Variants in LMNTD1 observed in about 807,000 individuals in gnomAD.
LMNTD1 encodes the protein lamin tail domain containing 1.
A neutral mutation model predicts 50.9 loss-of-function variants in LMNTD1; 35 were observed. The ratio of observed to expected loss-of-function variants is 0.69; its 90% CI spans 0.53 to 0.91. LMNTD1 has a LOEUF of 0.91. LMNTD1 is among the 40% of genes least tolerant of loss of function. The pLI, the probability that LMNTD1 is intolerant of heterozygous loss-of-function variation, is 0.00. For synonymous variants in LMNTD1, 153 were observed against 161.9 expected (o/e 0.94, Z 0.42); for missense variants, 470 against 475.5 (o/e 0.99, Z 0.11).
chr12:25,598,062 G>C (rs1945879900), intron 1 of LMNTD1, among the ~76,000 whole-genome samples: 1 of 152,100 alleles, frequency 6.6e-6, no homozygotes, highest in East Asian at 1.9e-4. Context: ...ATGCTCTCTT[G>C]CCTGCCACCA....
intron 1 of LMNTD1, among the ~76,000 whole-genome samples, chr12:25,620,183 G>A (rs1490613949): frequency 6.6e-6 from 1 of 152,144 alleles, no homozygotes; most frequent in Non-Finnish European, 1.5e-5. Context: ...TTTCCCACAA[G>A]TGATTGCGTT....
At chr12:25,484,363 T>C (rs1173023209) in intron 9 of LMNTD1, among the ~76,000 whole-genome samples, 1 of 151,936 alleles carries the variant, frequency 6.6e-6, no homozygotes, top group Non-Finnish European at 1.5e-5. Context: ...CCTTCCAAAG[T>C]GCTGGGATAA....
intron 1 of LMNTD1, among the ~76,000 whole-genome samples, chr12:25,627,818 G>A (rs562449710): frequency 4.4e-4 from 67 of 152,242 alleles, no homozygotes; most frequent in Non-Finnish European, 6.6e-4. Flanking sequence ...TCTTTAAAAG[G>A]CAAAGGATGG....
chr12:25,530,414 A>G (rs1942139847), intron 4 of LMNTD1, among the ~76,000 whole-genome samples: 1 of 152,084 alleles, frequency 6.6e-6, no homozygotes, highest in South Asian at 2.1e-4. Flanking sequence ...TTTTCTTTTA[A>G]ACGTTTCAAT....
intron 1 of LMNTD1, among the ~76,000 whole-genome samples, chr12:25,619,252 C>CTCTATATATATATATATATATA (rs1374134268): frequency 7.1e-5 from 6 of 84,446 alleles, no homozygotes; most frequent in Admixed American, 3.4e-4. Context: ...CTCTCTCTCT[C>CTCTATATATATATATATATATA]TATATATATA....
chr12:25,592,753 C>T (rs11609126), intron 1 of LMNTD1: 43,816 of 152,100 alleles, frequency 0.29, 8,052 homozygotes, highest in East Asian at 0.86. Flanking sequence ...AGTGTGCAGA[C>T]TCCACAGGCC....
chr12:25,605,661 G>A (rs1199522083), intron 1 of LMNTD1, among the ~76,000 whole-genome samples: 1 of 152,136 alleles, frequency 6.6e-6, no homozygotes, highest in Non-Finnish European at 1.5e-5. Context: ...GTAGATATGT[G>A]GCATTATTTC....
intron 9 of LMNTD1, among the ~76,000 whole-genome samples, chr12:25,476,709 T>A (rs1938276152): frequency 6.6e-6 from 1 of 152,198 alleles, no homozygotes; most frequent in Admixed American, 6.5e-5. Context: ...TTTCTATGAT[T>A]TTCCCCAGTT....
At chr12:25,477,875 A>C (rs1184570500) in intron 9 of LMNTD1, among the ~76,000 whole-genome samples, 1 of 152,132 alleles carries the variant, frequency 6.6e-6, no homozygotes, top group Admixed American at 6.6e-5. Context: ...AGGTCCCACA[A>C]TATAGGCTGT....
At chr12:25,486,300 C>T (rs1481365604) in intron 9 of LMNTD1, among the ~76,000 whole-genome samples, 1 of 149,496 alleles carries the variant, frequency 6.7e-6, no homozygotes, top group Admixed American at 6.7e-5. Flanking sequence ...TGATTTGGCT[C>T]TCTGTTTGTC....
chr12:25,491,821 A>G (rs2135920346), intron 9 of LMNTD1, among the ~76,000 whole-genome samples: 1 of 152,308 alleles, frequency 6.6e-6, no homozygotes, highest in East Asian at 1.9e-4. Flanking sequence ...GAGAGACAAT[A>G]GGTTTCCCAT....
At chr12:25,641,131 C>A (rs1946952144) in intron 1 of LMNTD1, among the ~76,000 whole-genome samples, 1 of 152,008 alleles carries the variant, frequency 6.6e-6, no homozygotes. Flanking sequence ...TGTACTCAAC[C>A]AGTATGTTTT....
chr12:25,535,566 C>T (rs531383725), intron 4 of LMNTD1, among the ~76,000 whole-genome samples: 5 of 151,860 alleles, frequency 3.3e-5, no homozygotes, highest in South Asian at 2.1e-4. Context: ...ATCTTAAAAG[C>T]AGAATATTTG....
intron 9 of LMNTD1, among the ~76,000 whole-genome samples, chr12:25,486,715 G>C (rs1461119663): frequency 5.3e-5 from 8 of 150,074 alleles, no homozygotes; most frequent in Non-Finnish European, 3.0e-5. Flanking sequence ...TTAGCATGAA[G>C]GGTTGTTGAA....
intron 1 of LMNTD1, among the ~76,000 whole-genome samples, chr12:25,636,102 A>C (rs1445029163): frequency 6.6e-6 from 1 of 152,228 alleles, no homozygotes; most frequent in East Asian, 1.9e-4. Flanking sequence ...AGAACCCAAA[A>C]GCAAACACAA....
intron 9 of LMNTD1, among the ~76,000 whole-genome samples, chr12:25,498,324 T>A (rs1939180786): frequency 6.6e-6 from 1 of 152,170 alleles, no homozygotes; most frequent in African/African-American, 2.4e-5. Context: ...ATTTTGCACA[T>A]AGTAAGTATC....
intron 3 of LMNTD1, among the ~76,000 whole-genome samples, 182 bp from the exon 4 acceptor site, chr12:25,546,736 G>T (rs1943461036): frequency 6.6e-6 from 1 of 151,616 alleles, no homozygotes; most frequent in Non-Finnish European, 1.5e-5. Flanking sequence ...AAAATAATCA[G>T]TAAGTGGATA....
At chr12:25,479,968 C>T (rs1337927745) in intron 9 of LMNTD1, among the ~76,000 whole-genome samples, 1 of 152,168 alleles carries the variant, frequency 6.6e-6, no homozygotes, top group Non-Finnish European at 1.5e-5. Context: ...TAACCTCCAT[C>T]CCTGCCACCA....
intron 1 of LMNTD1, among the ~76,000 whole-genome samples, chr12:25,614,440 G>T (rs1340806445): frequency 6.6e-6 from 1 of 152,106 alleles, no homozygotes; most frequent in Non-Finnish European, 1.5e-5. Flanking sequence ...ATCTGGAGAA[G>T]CTGCTTCTCC....
Sources: allele counts gnomAD v4.1 joint callset (sites outside exome capture counted in the v4.1 genomes callset), GRCh38; gene constraint gnomAD v4.1.1; transcripts MANE v1.5; gene names NCBI Gene and HGNC (gene_info 2026-07-23, HGNC 2026-07-21).